The following CCDC33 variants were observed in gnomAD, a reference collection of about 807,000 sequenced individuals.
CCDC33 encodes the protein coiled-coil domain containing 33, also known as coiled-coil domain-containing protein 33.
CCDC33 carries 94 observed loss-of-function variants against 91.9 expected under a neutral mutation model. That is an observed-to-expected ratio of 1.02 (90% CI 0.87 to 1.21). The LOEUF (loss-of-function observed/expected upper bound fraction) is 1.21, where lower values mean the gene tolerates loss of function less well. Among genes scored for constraint, CCDC33 ranks in the 50% most tolerant of loss-of-function variants. The pLI is 0.00. For missense variants in CCDC33, 940 were observed against 935.5 expected, an observed-to-expected ratio of 1.00 and a Z score of -0.06; for synonymous variants, 396 against 374.5, an observed-to-expected ratio of 1.06 and a Z score of -0.66.
At chr15:74,242,671 A>T (rs2075385557) in intron 1 of CCDC33, among the ~76,000 whole-genome samples, 1 of 152,110 alleles carries the variant, frequency 6.6e-6, no homozygotes, top group Non-Finnish European at 1.5e-5. Context: ...TCAAGGGTTA[A>T]TCTGTGTCAG....
chr15:74,209,493 G>GC (rs2074336029), exon 2 of CCDC33: 1 of 1,500,660 alleles, frequency 6.7e-7, no homozygotes, highest in African/African-American at 1.4e-5. Flanking sequence ...CCTGACCACA[G>GC]CTAAGGGGAG....
intron 1 of CCDC33, chr15:74,243,674 G>A (rs781455124): frequency 3.3e-4 from 155 of 469,538 alleles, no homozygotes; most frequent in Non-Finnish European, 6.0e-4. Context: ...AGGCCACTCA[G>A]GGCCAGGTGC....
intron 2 of CCDC33, among the ~76,000 whole-genome samples, chr15:74,222,130 A>G (rs2074615403): frequency 6.6e-6 from 1 of 152,174 alleles, no homozygotes; most frequent in Non-Finnish European, 1.5e-5. Context: ...GGGAGACCAC[A>G]ACAGCTGTGG....
intron 5 of CCDC33, among the ~76,000 whole-genome samples, chr15:74,270,151 G>A (rs1041025923): frequency 1.3e-5 from 2 of 152,210 alleles, no homozygotes; most frequent in African/African-American, 4.8e-5. Flanking sequence ...ACTATTGTAC[G>A]TGCCCATCAG....
intron 10 of CCDC33, among the ~76,000 whole-genome samples, chr15:74,292,316 G>C (rs575500004): frequency 6.6e-6 from 1 of 152,138 alleles, no homozygotes; most frequent in Non-Finnish European, 1.5e-5. Context: ...TCTTTCTATG[G>C]TCTCGAGCAG....
chr15:74,244,993 G>A lies in CCDC33; in HGVS notation c.185+845G>A, dbSNP rs767444778. Reference sequence around the variant, plus strand: ...GTCTGTTGCCCACATTTCCTTTTGGGGAGTGCCTGCCCCAGCCCACTCACC... The same window carrying A: ...GTCTGTTGCCCACATTTCCTTTTGGAGAGTGCCTGCCCCAGCCCACTCACC... On this transcript the variant is annotated intron_variant, in intron 2 of 18. Coordinates refer to ENST00000398814, the MANE Select transcript of CCDC33 (RefSeq NM_025055.5). This position sits in a 1 kb window ranked among gnomAD's most constrained non-coding sequence, Gnocchi z 4.2. Among the ~76,000 whole-genome samples the A allele has an allele frequency of 6.6e-6, 1 of 152,002 alleles. No homozygotes were observed. The highest frequency in any genetic ancestry group is 6.5e-5 in the Admixed American group (1 of 15,268).
Position 74,335,010 on chromosome 15 carries a change from G to A in CCDC33, c.2061G>A (p.Lys687=). The A allele has an allele frequency of 6.2e-7, 1 of 1,614,106 alleles. No individual in the cohort carries two copies. Among genetic ancestry groups the A allele is most frequent in the Non-Finnish European group, 8.5e-7 (1 of 1,179,994 alleles). The change falls in exon 18 of 19, where the codon AAG becomes AAA. Residue 687 remains lysine (K), a synonymous_variant. Transcript: ENST00000398814. ...CAGCTCGACGCTGGGGACGAGAGAA[G>A]CAGGATCTGGCCACACGGCTGCAGG... ...EDSARRWGRE[K]QDLATRLQEQ...
chr15:74,205,837 G>A (rs1373515393), intron 1 of CCDC33, among the ~76,000 whole-genome samples: 1 of 152,194 alleles, frequency 6.6e-6, no homozygotes, highest in African/African-American at 2.4e-5. Flanking sequence ...TAAGCAGAGG[G>A]GAGGAAATGG....
At chr15:74,315,307 T>G (rs1443395014) in intron 11 of CCDC33, among the ~76,000 whole-genome samples, 1 of 152,150 alleles carries the variant, frequency 6.6e-6, no homozygotes, top group Non-Finnish European at 1.5e-5. Context: ...AATAGGGAGA[T>G]CCCAGCCCTG....
intron 1 of CCDC33, among the ~76,000 whole-genome samples, chr15:74,208,309 A>G (rs1330001109): frequency 2.6e-5 from 4 of 152,120 alleles, no homozygotes; most frequent in Non-Finnish European, 5.9e-5. Context: ...CCTTCGGAGG[A>G]CTAGACACAA....
intron 2 of CCDC33, among the ~76,000 whole-genome samples, chr15:74,223,820 C>T (rs1205840805): frequency 1.5e-5 from 2 of 130,896 alleles, no homozygotes; most frequent in Non-Finnish European, 3.6e-5. Context: ...AGCTGCTTTA[C>T]ATTTCTCCAT....
upstream of CCDC33, among the ~76,000 whole-genome samples, chr15:74,235,382 C>A (rs540958009): frequency 1.3e-5 from 2 of 152,324 alleles, no homozygotes; most frequent in Admixed American, 1.3e-4. Context: ...TCTGCAAAGC[C>A]GGAGTCTCCT....
intron 4 of CCDC33, among the ~76,000 whole-genome samples, chr15:74,267,431 G>C (rs937372495): frequency 2.0e-5 from 3 of 152,204 alleles, no homozygotes; most frequent in Admixed American, 2.0e-4. Context: ...ATGGACTGAG[G>C]GGCCTGAGGC....
chr15:74,315,688 G>C (rs552489344), intron 11 of CCDC33, among the ~76,000 whole-genome samples: 1 of 152,214 alleles, frequency 6.6e-6, no homozygotes, highest in Non-Finnish European at 1.5e-5. Context: ...CTGCAGAGAT[G>C]GGGGAAGGCG....
Position 74,335,089 on chromosome 15 carries a change from G to A in CCDC33, c.2139+1G>A. ...GAACTCCATCATCATAGAACAGCCTGTGAGTGACCCCCCTGGAGTAGCTCC... is the reference window on the plus strand; with the variant it reads ...GAACTCCATCATCATAGAACAGCCTATGAGTGACCCCCCTGGAGTAGCTCC... On this transcript the variant is annotated splice_donor_variant, in intron 18 of 18. Transcript: ENST00000398814. LOFTEE classifies it high-confidence loss of function. 1 of 1,610,408 alleles carries A rather than the reference G, an allele frequency of 6.2e-7. No individual in the cohort carries two copies. Among genetic ancestry groups the A allele is most frequent in the Non-Finnish European group, 8.5e-7 (1 of 1,176,588 alleles).
At chr15:74,327,409 C>T (rs760682066) in intron 11 of CCDC33, among the ~76,000 whole-genome samples, 18 of 152,040 alleles carry the variant, frequency 1.2e-4, no homozygotes, top group Non-Finnish European at 2.2e-4. Context: ...CTGAGGCGGG[C>T]AGATTACCTG....
At chr15:74,233,946 C>T (rs974936214), upstream of CCDC33, among the ~76,000 whole-genome samples, 1 of 152,156 alleles carries the variant, frequency 6.6e-6, no homozygotes, top group Non-Finnish European at 1.5e-5. Flanking sequence ...AAGGCCAAGT[C>T]AGGAGGCGGG....
intron 10 of CCDC33, among the ~76,000 whole-genome samples, chr15:74,294,746 C>CAAAAAAAAAAAAA (rs57792647): frequency 7.8e-6 from 1 of 127,408 alleles, no homozygotes; most frequent in Non-Finnish European, 1.6e-5. Flanking sequence ...GACTCTGTCT[C>CAAAAAAAAAAAAA]AAAAAAAAAA....
intron 10 of CCDC33, among the ~76,000 whole-genome samples, chr15:74,282,831 C>T (rs2059394870): frequency 6.6e-6 from 1 of 152,216 alleles, no homozygotes; most frequent in African/African-American, 2.4e-5. Flanking sequence ...GCTCATTTGG[C>T]TGCAGTGCAC....
Sources: gnomAD v4.1 joint callset for allele counts (sites outside exome capture counted in the v4.1 genomes callset) on GRCh38, gnomAD v4.1.1 for gene constraint, Gnocchi (gnomAD v3.1) non-coding constraint, MANE v1.5 for transcripts, NCBI Gene and HGNC (gene_info 2026-07-23, HGNC 2026-07-21) for gene names.